GALNS: variants seen among roughly 807,000 people sequenced by gnomAD.
The protein encoded by GALNS is galactosamine (N-acetyl)-6-sulfatase, also known as N-acetylgalactosamine-6-sulfatase.
Under a neutral mutation model 65.9 loss-of-function variants are expected in GALNS, and 65 were observed. That is an observed-to-expected ratio of 0.99 (90% CI 0.81 to 1.21). The LOEUF (loss-of-function observed/expected upper bound fraction) is 1.21, where lower values mean the gene tolerates loss of function less well. Ranked by LOEUF, GALNS falls within the 50% of genes most tolerant of loss-of-function variation. GALNS has a pLI of 0.00. For synonymous variants in GALNS, 346 were observed against 288.9 expected, an observed-to-expected ratio of 1.20 and a Z score of -2.00; for missense variants, 776 against 700.7, an observed-to-expected ratio of 1.11 and a Z score of -1.21.
intron 13 of GALNS, among the ~76,000 whole-genome samples, 171 bp downstream of exon 13, chr16:88,817,836 C>T (rs1394607009): frequency 6.6e-6 from 1 of 152,184 alleles, no homozygotes; most frequent in Non-Finnish European, 1.5e-5. Context: ...GCTCCTGCCT[C>T]CCGAATCCCG....
chr16:88,842,721 G>T lies in GALNS; in HGVS notation c.229C>A (p.Pro77Thr). The T allele has an allele frequency of 1.9e-6, 3 of 1,612,990 alleles. No individual in the cohort carries two copies. Among genetic ancestry groups the T allele is most frequent in the South Asian group, 1.1e-5 (1 of 90,864 alleles). Residue 77 changes from proline (P) to threonine (T), a missense_variant, in exon 2 of 14, where the codon CCT becomes ACT. Coordinates refer to ENST00000268695, the MANE Select transcript of GALNS (RefSeq NM_000512.5). The stretch of plus-strand genomic sequence containing the variant: ...GCTGACTTACATGGCGAGCACAGAG[G>T]GTTGGCAGAATAGAAGTTTGGGAAA... ...LLFPNFYSAN[P>T]LCSPSRAALL...
At chr16:88,843,148 C>G in intron 1 of GALNS, 1 of 1,419,600 alleles carries the variant, frequency 7.0e-7, no homozygotes, top group Non-Finnish European at 9.3e-7. Flanking sequence ...CTCCTCCCAG[C>G]CTGACACCAG....
intron 11 of GALNS, among the ~76,000 whole-genome samples, chr16:88,823,161 G>A (rs967606659): frequency 6.6e-6 from 1 of 152,090 alleles, no homozygotes; most frequent in Admixed American, 6.5e-5. Context: ...GGAGGGGAGG[G>A]AAAGGGACGG....
chr16:88,840,886 C>A, intron 4 of GALNS, 106 bp downstream of exon 4: 1 of 905,740 alleles, frequency 1.1e-6, no homozygotes, highest in Non-Finnish European at 1.9e-6. Context: ...CCGTTTCCCA[C>A]CCAAGACACC....
intron 5 of GALNS, among the ~76,000 whole-genome samples, chr16:88,837,062 T>C (rs9929836): frequency 0.09 from 13,663 of 152,252 alleles, 1,066 homozygotes; most frequent in African/African-American, 0.21. Context: ...GTCACCGTCA[T>C]GTAATGAATG....
At chr16:88,839,768 T>C (rs1401779529) in intron 4 of GALNS, among the ~76,000 whole-genome samples, 1 of 152,198 alleles carries the variant, frequency 6.6e-6, no homozygotes, top group Non-Finnish European at 1.5e-5. Flanking sequence ...GTCCCCTCTC[T>C]CCCGTCGACA....
intron 1 of GALNS, chr16:88,855,915 C>T (rs1287217461): frequency 1.8e-6 from 1 of 543,258 alleles, no homozygotes; most frequent in Non-Finnish European, 3.3e-6. Flanking sequence ...CGTCCCAGTC[C>T]TCACACACAA....
intron 1 of GALNS, among the ~76,000 whole-genome samples, chr16:88,847,655 C>T (rs896799837): frequency 1.1e-4 from 16 of 152,204 alleles, no homozygotes; most frequent in Non-Finnish European, 2.9e-5. Context: ...CAGTTCACCA[C>T]GACAGGGACT....
At chr16:88,839,153 CCCA>C (rs1225161394) in intron 4 of GALNS, among the ~76,000 whole-genome samples, 1 of 149,762 alleles carries the variant, frequency 6.7e-6, no homozygotes, top group African/African-American at 2.5e-5. Flanking sequence ...CACTCGTGCG[CCCA>C]CGTCCGCTGG....
At position 88,815,443 on chromosome 16, in the gene GALNS, C is replaced by T. The variant is rs568493257; in HGVS notation, c.1483-918G>A. Reference sequence around the variant, plus strand: ...GGGCTCAGTTCAGTGCGGTGCTGAGCGGAGCCCGCACCCCTCCATCGCCTG... The same window carrying T: ...GGGCTCAGTTCAGTGCGGTGCTGAGTGGAGCCCGCACCCCTCCATCGCCTG... On this transcript the variant is annotated intron_variant, in intron 13 of 13. Coordinates refer to ENST00000268695, the MANE Select transcript of GALNS (RefSeq NM_000512.5). 2.9e-5 allele frequency: 29 copies of T among 985,478 alleles called. No individual in the cohort carries two copies. In the South Asian group the frequency reaches 5.2e-4, roughly 18 times the overall value. The allele number at this position is 985,478 out of a possible 1,614,324, so 61.0% of individuals were successfully genotyped here. A position where few individuals can be genotyped will look rare whatever the true frequency, so the allele number is the denominator to read the frequency against.
intron 1 of GALNS, chr16:88,855,819 G>A (rs1487757365): frequency 3.9e-6 from 2 of 509,636 alleles, no homozygotes; most frequent in South Asian, 2.3e-5. Flanking sequence ...TGGGTCTGAA[G>A]GCACCTGTCA....
At chr16:88,816,823 C>T (rs915201925) in intron 13 of GALNS, 1 of 985,344 alleles carries the variant, frequency 1.0e-6, no homozygotes, top group African/African-American at 1.7e-5. Flanking sequence ...ACAGCAGGAG[C>T]CCAGGCTGAA....
At chr16:88,816,715 C>A in intron 13 of GALNS, 2 of 985,466 alleles carry the variant, frequency 2.0e-6, no homozygotes, top group African/African-American at 3.5e-5. Context: ...TTCAGAGCCA[C>A]CACCTTCCTT....
At chr16:88,835,463 G>T in intron 7 of GALNS, 111 bp from the exon 8 acceptor site, 1 of 1,441,270 alleles carries the variant, frequency 6.9e-7, no homozygotes, top group South Asian at 1.2e-5. Context: ...TAACTTCACA[G>T]ACCACAGTGA....
intron 4 of GALNS, chr16:88,838,017 T>C: frequency 2.0e-6 from 1 of 507,852 alleles, no homozygotes; most frequent in Non-Finnish European, 3.6e-6. Flanking sequence ...CGGCCGGGGT[T>C]CCCTGCACGG....
chr16:88,855,950 A>AC, intron 1 of GALNS: 1 of 575,440 alleles, frequency 1.7e-6, no homozygotes, highest in East Asian at 2.9e-5. Context: ...GACAGGTGTA[A>AC]CCCCCCAGGT....
intron 9 of GALNS, among the ~76,000 whole-genome samples, chr16:88,829,543 T>C (rs1213847051): frequency 1.3e-5 from 2 of 152,078 alleles, no homozygotes; most frequent in Non-Finnish European, 2.9e-5. Context: ...CTGGGCAGGG[T>C]CTGAGGGAGG....
intron 9 of GALNS, among the ~76,000 whole-genome samples, chr16:88,827,713 TG>T (rs1185186968): frequency 6.6e-6 from 1 of 152,176 alleles, no homozygotes; most frequent in Non-Finnish European, 1.5e-5. Flanking sequence ...CCCAAAGTGC[TG>T]GGATTACAGG....
chr16:88,851,303 C>G (rs796941243), intron 1 of GALNS, among the ~76,000 whole-genome samples: 6 of 152,242 alleles, frequency 3.9e-5, no homozygotes, highest in African/African-American at 1.4e-4. Context: ...CGCTTGAGCT[C>G]AGGAAGTCAA....
Sources: gnomAD v4.1 joint callset for allele counts (sites outside exome capture counted in the v4.1 genomes callset) on GRCh38, gnomAD v4.1.1 for gene constraint, MANE v1.5 for transcripts, NCBI Gene and HGNC (gene_info 2026-07-23, HGNC 2026-07-21) for gene names.